The following CHSY3 variants were observed in gnomAD, a reference collection of about 807,000 sequenced individuals.
CHSY3 encodes the protein chondroitin sulfate synthase 3.
CHSY3 carries 35 observed loss-of-function variants against 67.2 expected under a neutral mutation model. The ratio of observed to expected loss-of-function variants is 0.52; its 90% CI spans 0.40 to 0.69. The LOEUF (loss-of-function observed/expected upper bound fraction) is 0.69. Among genes scored for constraint, CHSY3 ranks in the 30% least tolerant of loss-of-function variants. The probability of loss-of-function intolerance (pLI) is 0.00; values close to 1 mark genes in which losing one functional copy is unlikely to be tolerated. For synonymous variants in CHSY3, 474 were observed against 434.7 expected (o/e 1.09, Z -1.12); for missense variants, 1,069 against 1,138.5 (o/e 0.94, Z 0.88).
At chr5:130,050,386 T>A (rs567119899) in intron 2 of CHSY3, among the ~76,000 whole-genome samples, 16 of 152,096 alleles carry the variant, frequency 1.1e-4, no homozygotes, top group Non-Finnish European at 2.2e-4. Flanking sequence ...AGAAATGACA[T>A]CATCTGGCAA....
chr5:130,092,115 G>A (rs1274768977), intron 2 of CHSY3, among the ~76,000 whole-genome samples: 2 of 152,118 alleles, frequency 1.3e-5, no homozygotes, highest in African/African-American at 2.4e-5. Flanking sequence ...CCTCCCTCTT[G>A]CCCTCTGTTG....
chr5:130,022,319 T>C (rs1051990389), intron 2 of CHSY3, among the ~76,000 whole-genome samples: 1 of 152,050 alleles, frequency 6.6e-6, no homozygotes, highest in Admixed American at 6.6e-5. Context: ...TAGCATTAAC[T>C]ACATGATGTT....
At chr5:130,116,618 G>T (rs1005652698) in intron 2 of CHSY3, among the ~76,000 whole-genome samples, 1 of 152,172 alleles carries the variant, frequency 6.6e-6, no homozygotes, top group Non-Finnish European at 1.5e-5. Flanking sequence ...CAAGTGGAGC[G>T]ATTCCTGATT....
intron 2 of CHSY3, among the ~76,000 whole-genome samples, chr5:130,060,132 G>A (rs770730967): frequency 3.3e-5 from 5 of 151,944 alleles, no homozygotes; most frequent in African/African-American, 9.7e-5. Flanking sequence ...AAACTACAAG[G>A]CAACATCCCT....
At chr5:130,036,242 AG>A (rs1764859529) in intron 2 of CHSY3, among the ~76,000 whole-genome samples, 1 of 152,074 alleles carries the variant, frequency 6.6e-6, no homozygotes, top group Non-Finnish European at 1.5e-5. Flanking sequence ...GGGTAGCAAA[AG>A]CTCTTGCATA....
chr5:130,148,277 A>G (rs2149722968), intron 2 of CHSY3, among the ~76,000 whole-genome samples: 1 of 152,118 alleles, frequency 6.6e-6, no homozygotes, highest in Admixed American at 6.5e-5. Flanking sequence ...TATGTACCAC[A>G]TTTTCTTTAT....
At chr5:130,002,692 C>A (rs1357230707) in intron 2 of CHSY3, among the ~76,000 whole-genome samples, 1 of 151,924 alleles carries the variant, frequency 6.6e-6, no homozygotes, top group Admixed American at 6.6e-5. Context: ...GAGATGATGT[C>A]TATATTAATT....
At chr5:130,156,166 T>C (rs1769370760) in intron 2 of CHSY3, among the ~76,000 whole-genome samples, 1 of 152,208 alleles carries the variant, frequency 6.6e-6, no homozygotes, top group Non-Finnish European at 1.5e-5. Flanking sequence ...ACTTAAAGTA[T>C]ATCCTCCACC....
intron 2 of CHSY3, among the ~76,000 whole-genome samples, chr5:130,135,219 A>T (rs1768621914): frequency 6.6e-6 from 1 of 151,802 alleles, no homozygotes; most frequent in Admixed American, 6.6e-5. Flanking sequence ...TACACACACA[A>T]ACATATATGC....
chr5:130,025,201 G>A (rs1229786978), intron 2 of CHSY3, among the ~76,000 whole-genome samples: 1 of 152,144 alleles, frequency 6.6e-6, no homozygotes, highest in African/African-American at 2.4e-5. Context: ...AGAGAGTGGT[G>A]AAAGGATCCT....
intron 2 of CHSY3, among the ~76,000 whole-genome samples, chr5:130,149,056 T>G (rs1769156893): frequency 1.3e-5 from 2 of 152,212 alleles, no homozygotes. Context: ...TAATCCATCT[T>G]GAGTTGATTT....
chr5:129,930,508 CG>C lies in CHSY3; in HGVS notation c.1086+22158del, dbSNP rs34781346. Reference sequence around the variant, plus strand: ...GATGTTTAAAAGGAGGCATCACTGGCGGGGGGGGGGTATGAAGTTTTGCCTG... The same window carrying C: ...GATGTTTAAAAGGAGGCATCACTGGCGGGGGGGGGTATGAAGTTTTGCCTG... On this transcript the variant is annotated intron_variant, in intron 2 of 2. Transcript: ENST00000305031. Among the ~76,000 whole-genome samples the C allele has an allele frequency of 3.0e-3, 311 of 105,320 alleles. 5 individuals carry two copies. Among genetic ancestry groups the C allele is most frequent in the East Asian group, 0.027 (87 of 3,276 alleles). The allele number at this position is 105,320 out of a possible 152,430, so 69.1% of individuals were successfully genotyped here. A position where few individuals can be genotyped will look rare whatever the true frequency, so the allele number is the denominator to read the frequency against.
chr5:130,151,468 T>C (rs1284915928), intron 2 of CHSY3, among the ~76,000 whole-genome samples: 1 of 152,212 alleles, frequency 6.6e-6, no homozygotes, highest in Non-Finnish European at 1.5e-5. Flanking sequence ...AGTTATTGAC[T>C]GTGTGCCAGG....
chr5:130,178,253 ATTTTTT>A (rs10699248), intron 2 of CHSY3, among the ~76,000 whole-genome samples: 8 of 45,912 alleles, frequency 1.7e-4, no homozygotes, highest in African/African-American at 7.1e-4. Context: ...ATATATATAT[ATTTTTT>A]TTTTTTTTTT....
chr5:130,052,962 A>G (rs1272206534), intron 2 of CHSY3, among the ~76,000 whole-genome samples: 3 of 152,184 alleles, frequency 2.0e-5, no homozygotes, highest in African/African-American at 7.2e-5. Context: ...CAAAAACTTA[A>G]TAATTATGAA....
Position 130,099,564 on chromosome 5 carries a change from A to G in CHSY3, c.1087-84665A>G, listed in dbSNP as rs555354986. Among the ~76,000 whole-genome samples, 41 of 152,322 alleles carry G rather than the reference A, an allele frequency of 2.7e-4. 2 individuals are homozygous for G. The South Asian group carries it at 5.0e-3, about 18-fold the overall frequency. On this transcript the variant is annotated intron_variant, in intron 2 of 2. Coordinates refer to ENST00000305031, the MANE Select transcript of CHSY3 (RefSeq NM_175856.5). The stretch of plus-strand genomic sequence containing the variant: ...TACGCGAATGTGTGAGAATGATTCT[A>G]TTTTGAATGGAATTTATTCCTTTTA...
intron 2 of CHSY3, among the ~76,000 whole-genome samples, chr5:130,058,925 G>A (rs1186949512): frequency 6.6e-6 from 1 of 152,050 alleles, no homozygotes; most frequent in Non-Finnish European, 1.5e-5. Flanking sequence ...ATCTTCAAGT[G>A]GCCTTCTTCT....
At chr5:129,971,591 A>G (rs1041054590) in intron 2 of CHSY3, among the ~76,000 whole-genome samples, 1 of 151,956 alleles carries the variant, frequency 6.6e-6, no homozygotes, top group African/African-American at 2.4e-5. Context: ...TACAAATGAG[A>G]AAATTGTGAC....
intron 2 of CHSY3, among the ~76,000 whole-genome samples, chr5:129,966,033 A>G (rs1180835426): frequency 6.6e-6 from 1 of 151,912 alleles, no homozygotes; most frequent in African/African-American, 2.4e-5. Flanking sequence ...GTAAAGCTCC[A>G]TCCTAACTTT....
Sources: allele counts gnomAD v4.1 joint callset (sites outside exome capture counted in the v4.1 genomes callset), GRCh38; gene constraint gnomAD v4.1.1; transcripts MANE v1.5; gene names NCBI Gene and HGNC (gene_info 2026-07-23, HGNC 2026-07-21).